The following TTC28 variants were observed in gnomAD, a reference collection of about 807,000 sequenced individuals.
TTC28 encodes the protein tetratricopeptide repeat domain 28.
Under a neutral mutation model 198.0 loss-of-function variants are expected in TTC28, and 61 were observed. The ratio of observed to expected loss-of-function variants is 0.31; its 90% CI spans 0.25 to 0.38. The LOEUF (loss-of-function observed/expected upper bound fraction) is 0.38, where lower values mean the gene tolerates loss of function less well. TTC28 is among the 10% of genes least tolerant of loss of function. TTC28 has a pLI of 1.00. For synonymous variants in TTC28, 1,171 were observed against 1,297.8 expected, an observed-to-expected ratio of 0.90 and a Z score of 2.10; for missense variants, 2,678 against 3,164.0, an observed-to-expected ratio of 0.85 and a Z score of 3.69.
chr22:28,042,677 T>C (rs373246104), intron 12 of TTC28, among the ~76,000 whole-genome samples: 7 of 151,278 alleles, frequency 4.6e-5, no homozygotes, highest in Non-Finnish European at 1.0e-4. Context: ...TGTATACCTA[T>C]GTAACAAACC....
intron 13 of TTC28, among the ~76,000 whole-genome samples, chr22:28,024,511 G>A (rs967895872): frequency 6.6e-6 from 1 of 152,188 alleles, no homozygotes; most frequent in African/African-American, 2.4e-5. Flanking sequence ...TGGAACTCCT[G>A]TGACTCCTGT....
chr22:28,472,546 ATG>A (rs755019373), intron 2 of TTC28, among the ~76,000 whole-genome samples: 4 of 88,928 alleles, frequency 4.5e-5, no homozygotes, highest in South Asian at 4.0e-4. Context: ...CAAAAAGAAA[ATG>A]TGTATGTGTG....
chr22:28,623,430 C>T (rs1039895552), intron 2 of TTC28, among the ~76,000 whole-genome samples: 2 of 151,986 alleles, frequency 1.3e-5, no homozygotes, highest in Non-Finnish European at 2.9e-5. Flanking sequence ...TAGCCAATTC[C>T]AAAATCTTAG....
chr22:28,085,402 A>T (rs1413391982), intron 12 of TTC28, among the ~76,000 whole-genome samples: 1 of 152,032 alleles, frequency 6.6e-6, no homozygotes, highest in Non-Finnish European at 1.5e-5. Flanking sequence ...TTTCATATCC[A>T]GCCAAACTAA....
At chr22:28,458,293 T>C (rs2047895234) in intron 2 of TTC28, among the ~76,000 whole-genome samples, 1 of 152,134 alleles carries the variant, frequency 6.6e-6, no homozygotes, top group Admixed American at 6.5e-5. Flanking sequence ...ATAAAACAGA[T>C]AAAGTAATAA....
Position 27,983,605 on chromosome 22 carries a change from T to C in TTC28, c.6062A>G (p.Gln2021Arg). The change falls in exon 23 of 23, where the codon CAG becomes CGG. Residue 2021 changes from glutamine to arginine, a missense_variant. By Grantham distance (43) the Gln-to-Arg change is conservative. This residue lies in a region of TTC28 where 622 missense variants were observed against 656.0 expected (regional missense o/e 0.95). Coordinates refer to ENST00000397906, the MANE Select transcript of TTC28 (RefSeq NM_001145418.2). ...GSEGGGPGGR[Q>R]DHDRSKNAYL... Reference sequence around the variant, plus strand: ...AGCGTTCTTGGACCGGTCATGGTCCTGCCGTCCTCCGGGGCCTCCACCCTC... The same window carrying C: ...AGCGTTCTTGGACCGGTCATGGTCCCGCCGTCCTCCGGGGCCTCCACCCTC... 6.5e-7 allele frequency: 1 copy of C among 1,547,348 alleles called. No individual in the cohort carries two copies. The highest frequency in any genetic ancestry group is 8.7e-7 in the Non-Finnish European group (1 of 1,145,082).
At position 28,297,785 on chromosome 22, in the gene TTC28, C is replaced by G. The variant is rs762260745; in HGVS notation, c.597G>C (p.Val199=). Residue 199 remains valine, a synonymous_variant, in exon 4 of 23, where the codon GTG becomes GTC. Coordinates refer to ENST00000397906, the MANE Select transcript of TTC28 (RefSeq NM_001145418.2). ...TCAGGAGTTCCTGCCCAACCACAGACACGACCACAAAGGGACTCTTGTCCA... is the reference window on the plus strand; with the variant it reads ...TCAGGAGTTCCTGCCCAACCACAGAGACGACCACAAAGGGACTCTTGTCCA... ...MKLDKSPFVV[V]SVVGQELLTA... is the part of the protein sequence containing the mutation. The G allele has an allele frequency of 7.3e-5, 114 of 1,551,670 alleles. No individual in the cohort carries two copies. In the South Asian group the frequency reaches 8.7e-4, roughly 12 times the overall value.
intron 2 of TTC28, among the ~76,000 whole-genome samples, chr22:28,327,919 A>T (rs113730462): frequency 6.6e-6 from 1 of 152,194 alleles, no homozygotes; most frequent in African/African-American, 2.4e-5. Flanking sequence ...CATTCTTTAA[A>T]CAACTATGTG....
At chr22:28,448,420 C>T (rs1202773422) in intron 2 of TTC28, among the ~76,000 whole-genome samples, 1 of 152,094 alleles carries the variant, frequency 6.6e-6, no homozygotes, top group African/African-American at 2.4e-5. Context: ...TAGCCTCATA[C>T]TTATTTATAT....
intron 5 of TTC28, among the ~76,000 whole-genome samples, chr22:28,192,883 G>A (rs529315446): frequency 9.2e-5 from 14 of 152,314 alleles, no homozygotes; most frequent in African/African-American, 3.4e-4. Context: ...TATTTTCCAG[G>A]AGAACTTCCC....
intron 5 of TTC28, among the ~76,000 whole-genome samples, chr22:28,166,590 T>C (rs1921988355): frequency 1.3e-5 from 2 of 152,008 alleles, no homozygotes; most frequent in Admixed American, 1.3e-4. Context: ...CATAACGAAA[T>C]GAAGGCAGAA....
intron 14 of TTC28, among the ~76,000 whole-genome samples, chr22:28,009,449 G>T (rs1404402101): frequency 1.3e-5 from 2 of 152,216 alleles, no homozygotes; most frequent in Non-Finnish European, 2.9e-5. Context: ...TGTGGAGAAG[G>T]GTCTGGCTTG....
Position 28,633,246 on chromosome 22 carries a change from C to T in TTC28, c.103-3416G>A, listed in dbSNP as rs1344860659. On this transcript the variant is annotated intron_variant, in intron 1 of 22. Coordinates refer to ENST00000397906, the MANE Select transcript of TTC28 (RefSeq NM_001145418.2). The stretch of plus-strand genomic sequence containing the variant: ...AGTGAGCCAAAATTGCACCATTGCA[C>T]TCCAGTCTGGGCAACAAGAACAAGA... Among the ~76,000 whole-genome samples the T allele has an allele frequency of 5.4e-5, 8 of 148,918 alleles. No homozygotes were observed. The East Asian group carries it at 1.6e-3, about 29-fold the overall frequency.
chr22:28,307,474 G>A (rs570188808), intron 2 of TTC28, among the ~76,000 whole-genome samples: 5 of 152,064 alleles, frequency 3.3e-5, no homozygotes, highest in Non-Finnish European at 7.4e-5. Flanking sequence ...GTGCAGTGGC[G>A]CAATCCTAGC....
At chr22:28,297,419 G>T (rs779006816) in intron 4 of TTC28, among the ~76,000 whole-genome samples, 161 bp downstream of exon 4, 3 of 151,528 alleles carry the variant, frequency 2.0e-5, no homozygotes, top group Non-Finnish European at 4.4e-5. Context: ...TGCCCAGGGT[G>T]GTCTCAAATT....
chr22:28,001,287 C>T (rs55753016), intron 15 of TTC28, 87 bp downstream of exon 15: 21,989 of 1,447,686 alleles, frequency 0.015, 255 homozygotes, highest in South Asian at 0.026. Context: ...GCTATGCCTT[C>T]GTAACACAGC....
At chr22:28,646,944 G>C (rs144771967) in intron 1 of TTC28, among the ~76,000 whole-genome samples, 217 of 152,212 alleles carry the variant, frequency 1.4e-3, no homozygotes, top group Middle Eastern at 6.8e-3. Context: ...AAGCAAAAAT[G>C]ACTTATCTGG....
Position 27,982,443 on chromosome 22 carries a change from C to G in TTC28, c.7224G>C (p.Val2408=). ...SPRHNKKEEG[V]DKLELKELSL... ...ACAGCTCCTTCAGTTCAAGCTTATCCACTCCCTCCTCCTTCTTATTGTGCC... is the reference window on the plus strand; with the variant it reads ...ACAGCTCCTTCAGTTCAAGCTTATCGACTCCCTCCTCCTTCTTATTGTGCC... The change falls in exon 23 of 23, where the codon GTG becomes GTC. Residue 2408 remains valine, a synonymous_variant. Coordinates refer to ENST00000397906, the MANE Select transcript of TTC28 (RefSeq NM_001145418.2). This position sits in a 1 kb window ranked among gnomAD's most constrained non-coding sequence, Gnocchi z 5.2. The G allele has an allele frequency of 6.4e-7, 1 of 1,551,456 alleles. No individual in the cohort carries two copies. The highest frequency in any genetic ancestry group is 8.7e-7 in the Non-Finnish European group (1 of 1,146,970).
At chr22:28,189,148 G>A (rs2147122005) in intron 5 of TTC28, among the ~76,000 whole-genome samples, 1 of 152,182 alleles carries the variant, frequency 6.6e-6, no homozygotes, top group South Asian at 2.1e-4. Context: ...AGGAGTTCAA[G>A]ACCATCCTGG....
Sources: allele counts gnomAD v4.1 joint callset (sites outside exome capture counted in the v4.1 genomes callset), GRCh38; gene constraint gnomAD v4.1.1; regional missense constraint gnomAD v4.1.1; non-coding constraint Gnocchi (gnomAD v3.1); transcripts MANE v1.5; gene names NCBI Gene and HGNC (gene_info 2026-07-23, HGNC 2026-07-21).